The following SCRG1 variants were observed in gnomAD, a reference collection of about 807,000 sequenced individuals.
The protein encoded by SCRG1 is stimulator of chondrogenesis 1, also known as scrapie-responsive protein 1.
In SCRG1, 3 loss-of-function variants were observed where a neutral mutation model predicts 7.7. That is an observed-to-expected ratio of 0.39 (90% CI 0.18 to 1.01). The LOEUF is 1.01. SCRG1 is among the 50% of genes least tolerant of loss of function. SCRG1 has a pLI of 0.36. For synonymous variants in SCRG1, 46 were observed against 41.2 expected, an observed-to-expected ratio of 1.12 and a Z score of -0.44; for missense variants, 110 against 117.2, an observed-to-expected ratio of 0.94 and a Z score of 0.28.
the SCRG1 span, chr4:173,419,707 G>T: frequency 1.1e-6 from 1 of 904,684 alleles, no homozygotes; most frequent in Non-Finnish European, 1.8e-6. Context: ...ACACTTTATT[G>T]CCAGTGGTAG....
chr4:173,458,322 A>G, the SCRG1 span, among the ~76,000 whole-genome samples: 1 of 152,226 alleles, frequency 6.6e-6, no homozygotes, highest in African/African-American at 2.4e-5. Flanking sequence ...CTCTACAGAA[A>G]TATAATGCAA....
At position 173,385,594 on chromosome 4, in the gene SCRG1, C is replaced by G. The variant is rs1325255365; in HGVS notation, c.*2747G>C. ...TTTGTAATATAAAGAAGGCTGTGTA[C>G]TTGTATAATGCATTCATTTCTAAAA... is the stretch of plus-strand genomic sequence containing the variant. On this transcript the variant is annotated 3_prime_UTR_variant, in exon 3 of 3. Transcript: ENST00000296506. The G allele has an allele frequency of 6.6e-6, 1 of 152,004 alleles. No homozygotes were observed. The highest frequency in any genetic ancestry group is 2.4e-5 in the African/African-American group (1 of 41,382). The allele number at this position is 152,004 out of a possible 1,614,324, so 9.4% of individuals were successfully genotyped here.
chr4:173,466,691 G>A, the SCRG1 span, among the ~76,000 whole-genome samples: 3 of 152,212 alleles, frequency 2.0e-5, no homozygotes, highest in Admixed American at 2.0e-4. Context: ...TGAAGTATGT[G>A]GATCATCTGA....
At chr4:173,475,276 A>G in the SCRG1 span, among the ~76,000 whole-genome samples, 89,717 of 152,030 alleles carry the variant, frequency 0.59, 28,991 homozygotes, top group Non-Finnish European at 0.73. Context: ...GACATTTGGA[A>G]TTGTGTTGTG....
the SCRG1 span, among the ~76,000 whole-genome samples, chr4:173,500,341 GGC>G: frequency 6.6e-6 from 1 of 152,148 alleles, no homozygotes; most frequent in Non-Finnish European, 1.5e-5. Flanking sequence ...GGAGGCCTCC[GGC>G]GCTCCCCGGG....
At chr4:173,409,690 G>A (rs1740000310), upstream of SCRG1, among the ~76,000 whole-genome samples, 3 of 149,294 alleles carry the variant, frequency 2.0e-5, no homozygotes, top group Non-Finnish European at 4.4e-5. Context: ...CCAGGCTCAA[G>A]TGATTCTCCT....
chr4:173,511,127 C>T, the SCRG1 span, among the ~76,000 whole-genome samples: 16 of 152,094 alleles, frequency 1.1e-4, no homozygotes, highest in African/African-American at 3.9e-4. The surrounding 1 kb of genome is among the most constrained non-coding windows in gnomAD (Gnocchi z 5.2). Context: ...CCACCACGCC[C>T]GGCTAATTTT....
At chr4:173,502,589 GC>G in the SCRG1 span, among the ~76,000 whole-genome samples, 10 of 152,152 alleles carry the variant, frequency 6.6e-5, no homozygotes, top group Admixed American at 5.2e-4. The surrounding 1 kb of genome is among the most constrained non-coding windows in gnomAD (Gnocchi z 4.6). Context: ...CCTAATGTGG[GC>G]CCTGGGAGGA....
chr4:173,407,827 A>T (rs1739946374), upstream of SCRG1, among the ~76,000 whole-genome samples: 1 of 152,216 alleles, frequency 6.6e-6, no homozygotes, highest in African/African-American at 2.4e-5. Flanking sequence ...TATTTCATTT[A>T]ACATTCTTTG....
chr4:173,484,463 CAT>C, the SCRG1 span, among the ~76,000 whole-genome samples: 3 of 12,600 alleles, frequency 2.4e-4, no homozygotes, highest in Admixed American at 1.1e-3. Context: ...ATATTATATA[CAT>C]ATAATATATA....
intron 1 of SCRG1, 64 bp from the exon 2 acceptor site, chr4:173,391,492 T>A (rs1739444803): frequency 6.5e-7 from 1 of 1,530,632 alleles, no homozygotes; most frequent in South Asian, 1.2e-5. Flanking sequence ...TTCATCTGAA[T>A]GAAGTTCTGT....
At chr4:173,484,146 ATAGAATATTTTCTACATT>A in the SCRG1 span, among the ~76,000 whole-genome samples, 1 of 80,642 alleles carries the variant, frequency 1.2e-5, no homozygotes, top group African/African-American at 5.2e-5. Context: ...AATATAGAAT[ATAGAATATTTTCTACATT>A]ATATATAATA....
the SCRG1 span, among the ~76,000 whole-genome samples, chr4:173,459,254 C>T: frequency 1.3e-5 from 2 of 152,204 alleles, no homozygotes; most frequent in African/African-American, 4.8e-5. Context: ...AGTTGTATTT[C>T]AAATGGACCC....
chr4:173,428,769 T>A, the SCRG1 span, among the ~76,000 whole-genome samples: 80,754 of 152,028 alleles, frequency 0.53, 21,900 homozygotes, highest in East Asian at 0.65. Context: ...AGTACATTAG[T>A]TGTAAAATAG....
At chr4:173,459,120 A>G in the SCRG1 span, among the ~76,000 whole-genome samples, 2 of 152,384 alleles carry the variant, frequency 1.3e-5, no homozygotes, top group African/African-American at 4.8e-5. Flanking sequence ...ACATAAAGCA[A>G]TTATTGTTAG....
upstream of SCRG1, among the ~76,000 whole-genome samples, chr4:173,409,444 C>T (rs1048953489): frequency 1.3e-5 from 2 of 152,140 alleles, no homozygotes; most frequent in Admixed American, 1.3e-4. Flanking sequence ...CATGTCTCTT[C>T]CTATCCTTTT....
chr4:173,498,903 A>G, the SCRG1 span, among the ~76,000 whole-genome samples: 1 of 152,206 alleles, frequency 6.6e-6, no homozygotes, highest in Admixed American at 6.5e-5. Flanking sequence ...TAATTTGCAC[A>G]CAGGTCTCTG....
intron 1 of SCRG1, among the ~76,000 whole-genome samples, chr4:173,393,541 G>T (rs781630970): frequency 1.1e-4 from 16 of 152,200 alleles, no homozygotes; most frequent in Non-Finnish European, 2.1e-4. Flanking sequence ...CCTAATATGT[G>T]ATCTATCATG....
At chr4:173,494,087 C>T in the SCRG1 span, among the ~76,000 whole-genome samples, 39 of 152,108 alleles carry the variant, frequency 2.6e-4, no homozygotes, top group African/African-American at 8.9e-4. Context: ...GAGATTTCTT[C>T]TTCTTTATAA....
Sources: allele counts gnomAD v4.1 joint callset (sites outside exome capture counted in the v4.1 genomes callset), GRCh38; gene constraint gnomAD v4.1.1; non-coding constraint Gnocchi (gnomAD v3.1); transcripts MANE v1.5; gene names NCBI Gene and HGNC (gene_info 2026-07-23, HGNC 2026-07-21).